NDC80: variants seen among roughly 807,000 people sequenced by gnomAD.
NDC80 encodes kinetochore protein NDC80 homolog.
NDC80 carries 69 observed loss-of-function variants against 89.3 expected under a neutral mutation model. The ratio of observed to expected loss-of-function variants is 0.77; its 90% CI spans 0.64 to 0.94. The LOEUF (loss-of-function observed/expected upper bound fraction) is 0.94, where lower values mean the gene tolerates loss of function less well. NDC80 is among the 40% of genes least tolerant of loss of function. NDC80 has a pLI of 0.00. For synonymous variants in NDC80, 243 were observed against 255.6 expected (o/e 0.95, Z 0.47); for missense variants, 593 against 739.6 (o/e 0.80, Z 2.30).
chr18:2,612,320 C>T (rs1370634144), intron 16 of NDC80, among the ~76,000 whole-genome samples: 2 of 117,408 alleles, frequency 1.7e-5, no homozygotes, highest in Non-Finnish European at 3.3e-5. Context: ...GAGATAGCCT[C>T]ACTCTGTCAC....
chr18:2,573,706 T>C (rs1316652953), intron 2 of NDC80, among the ~76,000 whole-genome samples: 2 of 152,202 alleles, frequency 1.3e-5, no homozygotes, highest in Non-Finnish European at 2.9e-5. Flanking sequence ...TTTAAATTAC[T>C]TGGATTTACA....
At position 2,585,211 on chromosome 18, in the gene NDC80, T is replaced by C; in HGVS notation, c.669+9T>C. On this transcript the variant is annotated intron_variant, in intron 7 of 16. Transcript: ENST00000261597. ...GAATTATGCATAATAAGGTACCATG[T>C]ATTATCATAAACTGTAATAATGAAT... 6.3e-7 allele frequency: 1 copy of C among 1,589,494 alleles called. No individual in the cohort carries two copies. The highest frequency in any genetic ancestry group is 8.6e-7 in the Non-Finnish European group (1 of 1,158,228).
chr18:2,601,510 A>G, intron 13 of NDC80, 25 bp downstream of exon 13: 1 of 1,077,096 alleles, frequency 9.3e-7, no homozygotes, highest in Non-Finnish European at 1.3e-6. Context: ...ATAAAAAGTC[A>G]TAAAAAGTGA....
intron 6 of NDC80, among the ~76,000 whole-genome samples, chr18:2,583,203 TC>T (rs1421895219): frequency 6.6e-6 from 1 of 152,226 alleles, no homozygotes; most frequent in African/African-American, 2.4e-5. Flanking sequence ...AGTTCACAAT[TC>T]TTCAGTCCTT....
chr18:2,578,811 C>T, intron 5 of NDC80, 116 bp from the exon 6 acceptor site: 1 of 482,446 alleles, frequency 2.1e-6, no homozygotes, highest in Non-Finnish European at 3.5e-6. Context: ...TACCTCTAAA[C>T]AAGTCAAGAC....
intron 11 of NDC80, among the ~76,000 whole-genome samples, chr18:2,596,172 G>A (rs538686352): frequency 6.6e-6 from 1 of 152,260 alleles, no homozygotes; most frequent in African/African-American, 2.4e-5. Context: ...GTTTTTAGAA[G>A]AGAATTTCTT....
At chr18:2,608,567 C>A in intron 14 of NDC80, 133 bp from the exon 15 acceptor site, 1 of 939,870 alleles carries the variant, frequency 1.1e-6, no homozygotes, top group Non-Finnish European at 1.5e-6. Flanking sequence ...GCATGTAAAA[C>A]AGTAAGCATC....
At chr18:2,577,641 G>T in intron 3 of NDC80, 105 bp from the exon 4 acceptor site, 1 of 1,206,854 alleles carries the variant, frequency 8.3e-7, no homozygotes, top group Non-Finnish European at 1.2e-6. Context: ...TTATAAGAAC[G>T]TAATGTTTGA....
At chr18:2,591,394 T>G (rs2143647413) in intron 10 of NDC80, among the ~76,000 whole-genome samples, 1 of 152,290 alleles carries the variant, frequency 6.6e-6, no homozygotes, top group Admixed American at 6.5e-5. Flanking sequence ...ACAACTATAC[T>G]GTTTTCCCAG....
Position 2,616,468 on chromosome 18 carries a change from A to T in NDC80, c.1823A>T (p.Asp608Val). 1 of 1,532,916 alleles carries T rather than the reference A, an allele frequency of 6.5e-7. No homozygotes were observed. The highest frequency in any genetic ancestry group is 1.4e-5 in the African/African-American group (1 of 71,620). The allele number at this position is 1,532,916 out of a possible 1,614,324, so 95.0% of individuals were successfully genotyped here. The change falls in exon 17 of 17, where the codon GAT becomes GTT. Residue 608 changes from aspartate (D) to valine (V), a missense_variant. Transcript: ENST00000261597. ...KHLEEQIAKV[D>V]REYEECMSED... is the part of the protein sequence containing the mutation. The stretch of plus-strand genomic sequence containing the variant: ...CTTGAGGAGCAGATTGCTAAAGTTG[A>T]TAGAGAATATGAAGAATGCATGTCA...
Position 2,616,498 on chromosome 18 carries a change from AT to A in NDC80, c.1854del (p.Leu619SerfsTer18). ...DREYEECMSE[D>X]LSENIKEIRD... ...GAATATGAAGAATGCATGTCAGAAG[AT>A]CTCTCGGAAAATATTAAAGAGATTA... On this transcript the variant is annotated frameshift_variant, in exon 17 of 17. Transcript: ENST00000261597. LOFTEE classifies it high-confidence loss of function. 6.5e-7 allele frequency: 1 copy of A among 1,531,136 alleles called. No individual in the cohort carries two copies. The highest frequency in any genetic ancestry group is 8.9e-7 in the Non-Finnish European group (1 of 1,128,452). 94.8% of individuals were successfully genotyped at this position (1,531,136 alleles called of 1,614,324 possible). A position where few individuals can be genotyped will look rare whatever the true frequency, so the allele number is the denominator to read the frequency against.
Position 2,585,281 on chromosome 18 carries a change from C to T in NDC80, c.669+79C>T, listed in dbSNP as rs549512841. Reference sequence around the variant, plus strand: ...CACTATTGGATTTAATACAGATGCCCCTCGACTTATGATAGAGTAATAAAC... The same window carrying T: ...CACTATTGGATTTAATACAGATGCCTCTCGACTTATGATAGAGTAATAAAC... On this transcript the variant is annotated intron_variant, in intron 7 of 16. Transcript: ENST00000261597. 20 of 1,099,846 alleles carry T rather than the reference C, an allele frequency of 1.8e-5. No homozygotes were observed. In the South Asian group the frequency reaches 2.2e-4, roughly 12 times the overall value. 68.1% of individuals were successfully genotyped at this position (1,099,846 alleles called of 1,614,324 possible).
rs1260379535 is a variant in NDC80, at chr18:2,605,649, AAAT to A, written c.1465-758_1465-756del. Reference sequence around the variant, plus strand: ...ATGTCACTACCCTGTGTTTTGTAGCAAATAATAATAGCTTCACTAAATTTGAAC... The same window carrying A: ...ATGTCACTACCCTGTGTTTTGTAGCAAATAATAGCTTCACTAAATTTGAAC... On this transcript the variant is annotated intron_variant, in intron 13 of 16. Transcript: ENST00000261597. Among the ~76,000 whole-genome samples the A allele has an allele frequency of 1.1e-4, 16 of 152,182 alleles. No homozygotes were observed. In the East Asian group the frequency reaches 2.7e-3, roughly 26 times the overall value.
intron 6 of NDC80, among the ~76,000 whole-genome samples, chr18:2,584,170 C>A (rs977502648): frequency 1.3e-5 from 2 of 151,690 alleles, no homozygotes; most frequent in Non-Finnish European, 2.9e-5. Flanking sequence ...TGCCTGTAAT[C>A]CCAGGTACTC....
In NDC80 at chr18:2,606,447, T is replaced by G. The variant is rs2143664750; in HGVS notation, c.1497T>G (p.Ser499Arg). 6.2e-7 allele frequency: 1 copy of G among 1,604,044 alleles called. No individual in the cohort carries two copies. The highest frequency in any genetic ancestry group is 2.3e-5 in the East Asian group (1 of 44,200). The part of the protein sequence containing the change: ...LNAMITESKR[S>R]VRTLKEEVQK... ...CAATGATAACAGAAAGCAAGAGAAG[T>G]GTGAGAACTCTGAAAGAAGAAGTTC... The change falls in exon 14 of 17, where the codon AGT becomes AGG. Residue 499 changes from serine to arginine, a missense_variant. Ser to Arg is a moderately radical substitution (Grantham distance 110). Transcript: ENST00000261597.
At chr18:2,596,356 G>T (rs2072656416) in intron 11 of NDC80, among the ~76,000 whole-genome samples, 1 of 151,940 alleles carries the variant, frequency 6.6e-6, no homozygotes, top group African/African-American at 2.4e-5. Flanking sequence ...CCATCAAAAA[G>T]TGGGCGAAGG....
chr18:2,590,489 A>C (rs903822021), intron 10 of NDC80, among the ~76,000 whole-genome samples: 3 of 152,104 alleles, frequency 2.0e-5, no homozygotes, highest in South Asian at 4.2e-4. Flanking sequence ...GGCTATGTTC[A>C]CATCACTCCG....
intron 14 of NDC80, among the ~76,000 whole-genome samples, chr18:2,607,742 T>A (rs2072719746): frequency 6.6e-6 from 1 of 151,648 alleles, no homozygotes; most frequent in African/African-American, 2.4e-5. Flanking sequence ...AAATGGGAAC[T>A]GAAATGTACC....
intron 6 of NDC80, among the ~76,000 whole-genome samples, chr18:2,581,249 G>A (rs2072576664): frequency 6.6e-6 from 1 of 152,094 alleles, no homozygotes; most frequent in Non-Finnish European, 1.5e-5. Flanking sequence ...GTAGTATTTT[G>A]TATGGCTTCT....
Sources: allele counts gnomAD v4.1 joint callset (sites outside exome capture counted in the v4.1 genomes callset), GRCh38; gene constraint gnomAD v4.1.1; transcripts MANE v1.5; gene names NCBI Gene and HGNC (gene_info 2026-07-23, HGNC 2026-07-21).